The following PDE6D variants were observed in gnomAD, a reference collection of about 807,000 sequenced individuals.
The protein encoded by PDE6D is phosphodiesterase 6D.
A neutral mutation model predicts 21.9 loss-of-function variants in PDE6D; 10 were observed. The observed-to-expected ratio is 0.46, with a 90% CI of 0.28 to 0.78. The LOEUF is 0.78. Among genes scored for constraint, PDE6D ranks in the 30% least tolerant of loss-of-function variants. PDE6D has a pLI of 0.12. For synonymous variants in PDE6D, 59 were observed against 63.5 expected, an observed-to-expected ratio of 0.93 and a Z score of 0.34; for missense variants, 139 against 184.8, an observed-to-expected ratio of 0.75 and a Z score of 1.44.
intron 1 of PDE6D, among the ~76,000 whole-genome samples, chr2:231,769,563 T>C (rs968305739): frequency 1.2e-4 from 18 of 151,882 alleles, no homozygotes; most frequent in African/African-American, 2.2e-4. Context: ...TATATATATA[T>C]ACACATACAC....
In PDE6D at chr2:231,739,529, G is replaced by A. The variant is rs555849616; in HGVS notation, c.51-341C>T. Among the ~76,000 whole-genome samples, 1 of 152,182 alleles carries A rather than the reference G, an allele frequency of 6.6e-6. No homozygotes were observed. Among genetic ancestry groups the A allele is most frequent in the South Asian group, 2.1e-4 (1 of 4,824 alleles). On this transcript the variant is annotated intron_variant, in intron 1 of 4. Transcript: ENST00000287600. This position sits in a 1 kb window ranked among gnomAD's most constrained non-coding sequence, Gnocchi z 4.2. The stretch of plus-strand genomic sequence containing the variant: ...ATACCTAAAGAAACAAATATCAGAT[G>A]TACCCCAAGGAAACAACTCATGAAG...
intron 1 of PDE6D, among the ~76,000 whole-genome samples, chr2:231,766,590 CCTT>C (rs1222383539): frequency 6.6e-6 from 1 of 152,170 alleles, no homozygotes; most frequent in Non-Finnish European, 1.5e-5. Context: ...AGGGATATTG[CCTT>C]GAATCCTGTC....
chr2:231,753,949 T>TGCACATATGCCCC (rs1484467546), intron 1 of PDE6D, among the ~76,000 whole-genome samples: 2 of 152,262 alleles, frequency 1.3e-5, no homozygotes, highest in Non-Finnish European at 2.9e-5. Flanking sequence ...GAATATACTA[T>TGCACATATGCCCC]GCACATATGC....
chr2:231,765,105 A>G (rs886162847), intron 1 of PDE6D, among the ~76,000 whole-genome samples: 38 of 123,710 alleles, frequency 3.1e-4, no homozygotes, highest in Admixed American at 1.5e-3. Context: ...CACGGAAGGG[A>G]AAAAAAAAAA....
intron 1 of PDE6D, chr2:231,779,240 A>G (rs895403729): frequency 2.0e-5 from 3 of 152,182 alleles, no homozygotes; most frequent in Non-Finnish European, 4.4e-5. Flanking sequence ...GGATGCACTA[A>G]CATCACTGAA....
intron 4 of PDE6D, among the ~76,000 whole-genome samples, chr2:231,736,472 C>T (rs928551327): frequency 1.3e-5 from 2 of 152,112 alleles, no homozygotes; most frequent in Admixed American, 1.3e-4. Flanking sequence ...TGCCATTACG[C>T]CCAGCTAACT....
At position 231,740,624 on chromosome 2, in the gene PDE6D, T is replaced by C. The variant is rs535476521; in HGVS notation, c.51-1436A>G. Among the ~76,000 whole-genome samples, 15 of 134,886 alleles carry C rather than the reference T, an allele frequency of 1.1e-4. No homozygotes were observed. In the South Asian group the frequency reaches 3.4e-3, roughly 30 times the overall value. The allele number at this position is 134,886 out of a possible 152,430, so 88.5% of individuals were successfully genotyped here. On this transcript the variant is annotated intron_variant, in intron 1 of 4. Coordinates refer to ENST00000287600, the MANE Select transcript of PDE6D (RefSeq NM_002601.4). ...TGAGTCCACAAAATCAATGCTGCAG[T>C]GAGCCGAGATCATGCGACTGCACTC...
intron 1 of PDE6D, among the ~76,000 whole-genome samples, chr2:231,749,497 T>A (rs1399703849): frequency 6.8e-6 from 1 of 147,812 alleles, no homozygotes; most frequent in African/African-American, 2.5e-5. Context: ...AAGTCTCAGA[T>A]GAGACTTTTT....
chr2:231,751,225 C>G (rs2048837874), intron 1 of PDE6D, among the ~76,000 whole-genome samples: 1 of 152,046 alleles, frequency 6.6e-6, no homozygotes, highest in Admixed American at 6.5e-5. Flanking sequence ...GTTGCAATCA[C>G]TGCTCATTGC....
chr2:231,753,241 C>T (rs1050695416), intron 1 of PDE6D, among the ~76,000 whole-genome samples: 3 of 149,650 alleles, frequency 2.0e-5, no homozygotes, highest in Admixed American at 6.7e-5. Flanking sequence ...AATGCTGTTT[C>T]GGCCGGGAGC....
intron 4 of PDE6D, among the ~76,000 whole-genome samples, chr2:231,734,414 G>T (rs1007456484): frequency 2.7e-5 from 4 of 148,722 alleles, no homozygotes; most frequent in Admixed American, 6.7e-5. Context: ...AAAAAATCAC[G>T]CCTCGTGAAG....
At chr2:231,766,121 C>T (rs560307832) in intron 1 of PDE6D, among the ~76,000 whole-genome samples, 2 of 152,306 alleles carry the variant, frequency 1.3e-5, no homozygotes, top group African/African-American at 4.8e-5. Context: ...TCTCTGAGAA[C>T]CCAGGTTTCA....
At chr2:231,749,040 C>G (rs185069302) in intron 1 of PDE6D, among the ~76,000 whole-genome samples, 3 of 152,288 alleles carry the variant, frequency 2.0e-5, no homozygotes, top group African/African-American at 7.2e-5. Context: ...ACACAGAGTC[C>G]CTACTGGGGC....
At chr2:231,747,245 C>G (rs2048801396) in intron 1 of PDE6D, among the ~76,000 whole-genome samples, 1 of 152,182 alleles carries the variant, frequency 6.6e-6, no homozygotes, top group Non-Finnish European at 1.5e-5. Flanking sequence ...CATGCGCCAC[C>G]ACACCTGGCT....
chr2:231,762,186 G>A (rs1003692846), intron 1 of PDE6D, among the ~76,000 whole-genome samples: 1 of 152,110 alleles, frequency 6.6e-6, no homozygotes, highest in Non-Finnish European at 1.5e-5. Context: ...GTTGTAAGTT[G>A]CACTTAAATA....
At chr2:231,740,474 G>A (rs2048738515) in intron 1 of PDE6D, among the ~76,000 whole-genome samples, 1 of 151,620 alleles carries the variant, frequency 6.6e-6, no homozygotes, top group South Asian at 2.1e-4. Flanking sequence ...CTTGAGCTCA[G>A]GAGTTTGAGA....
At chr2:231,776,020 T>C in intron 1 of PDE6D, among the ~76,000 whole-genome samples, 1 of 152,212 alleles carries the variant, frequency 6.6e-6, no homozygotes, top group East Asian at 1.9e-4. Context: ...AGATACAGAC[T>C]ATACTAGAAA....
chr2:231,780,880 C>A (rs1261138075), intron 1 of PDE6D, among the ~76,000 whole-genome samples, 185 bp downstream of exon 1: 1 of 152,214 alleles, frequency 6.6e-6, no homozygotes, highest in East Asian at 1.9e-4. Context: ...TCCCTCAGGA[C>A]GCCCCTTGGG....
chr2:231,769,648 C>T, intron 1 of PDE6D, among the ~76,000 whole-genome samples: 1 of 151,866 alleles, frequency 6.6e-6, no homozygotes, highest in Admixed American at 6.6e-5. Context: ...GGGTCTTGCT[C>T]TGTTGCCCAG....
Sources: gnomAD v4.1 joint callset for allele counts (sites outside exome capture counted in the v4.1 genomes callset) on GRCh38, gnomAD v4.1.1 for gene constraint, Gnocchi (gnomAD v3.1) non-coding constraint, MANE v1.5 for transcripts, NCBI Gene and HGNC (gene_info 2026-07-23, HGNC 2026-07-21) for gene names.